Variants in TAOK1 observed in about 807,000 individuals in gnomAD.
TAOK1 encodes TAO kinase 1, also known as serine/threonine-protein kinase TAO1.
A neutral mutation model predicts 138.3 loss-of-function variants in TAOK1; 21 were observed. The ratio of observed to expected loss-of-function variants is 0.15; its 90% CI spans 0.11 to 0.22. The LOEUF is 0.22. Ranked by LOEUF, TAOK1 falls within the 10% of genes least tolerant of loss-of-function variation. The pLI is 1.00. For missense variants in TAOK1, 651 were observed against 1,227.7 expected (o/e 0.53, Z 7.02); for synonymous variants, 361 against 398.4 (o/e 0.91, Z 1.12).
chr17:29,474,254 C>T (rs1377211844), intron 3 of TAOK1, among the ~76,000 whole-genome samples: 1 of 152,172 alleles, frequency 6.6e-6, no homozygotes, highest in Non-Finnish European at 1.5e-5. Flanking sequence ...TTCACATCAA[C>T]AATAAACTTG....
chr17:29,505,864 G>A (rs1273188929), intron 13 of TAOK1, among the ~76,000 whole-genome samples: 1 of 152,180 alleles, frequency 6.6e-6, no homozygotes, highest in Non-Finnish European at 1.5e-5. Flanking sequence ...AAACCTAGGA[G>A]GCAAAGGCTG....
In TAOK1 at chr17:29,530,389, A is replaced by AT. The variant is rs573433155; in HGVS notation, c.2149-9dup. 462 of 1,577,734 alleles carry AT rather than the reference A, an allele frequency of 2.9e-4. No individual in the cohort carries two copies. Among genetic ancestry groups the AT allele is most frequent in the Non-Finnish European group, 3.4e-4 (395 of 1,150,496 alleles). The stretch of plus-strand genomic sequence containing the variant: ...CTTTCGTTACAACTTACATAAATGT[A>AT]TTTTTTTTTCTTCCCAGTCTAAAGA... On this transcript the variant is annotated splice_polypyrimidine_tract_variant and intron_variant, in intron 17 of 19. Coordinates refer to ENST00000261716, the MANE Select transcript of TAOK1 (RefSeq NM_020791.4).
chr17:29,455,683 T>C (rs2030359604), intron 2 of TAOK1, among the ~76,000 whole-genome samples: 1 of 150,474 alleles, frequency 6.6e-6, no homozygotes, highest in East Asian at 1.9e-4. Context: ...ATCATGAAAG[T>C]ATTGGATTCT....
chr17:29,498,832 G>A (rs2031460522), intron 12 of TAOK1, among the ~76,000 whole-genome samples: 1 of 152,020 alleles, frequency 6.6e-6, no homozygotes, highest in Non-Finnish European at 1.5e-5. Context: ...AGGTTGAGGT[G>A]GGAGAATCGC....
At chr17:29,540,096 T>C (rs1269682124) in intron 19 of TAOK1, among the ~76,000 whole-genome samples, 1 of 148,892 alleles carries the variant, frequency 6.7e-6, no homozygotes, top group East Asian at 1.9e-4. Context: ...AATGATAAAA[T>C]AAGAAATGTT....
intron 1 of TAOK1, among the ~76,000 whole-genome samples, chr17:29,399,720 G>A (rs1273132264): frequency 6.6e-6 from 1 of 151,950 alleles, no homozygotes; most frequent in Non-Finnish European, 1.5e-5. Flanking sequence ...CTACTGTGTA[G>A]TACTTAATGG....
At chr17:29,396,201 A>T (rs752828679) in intron 1 of TAOK1, among the ~76,000 whole-genome samples, 5 of 152,262 alleles carry the variant, frequency 3.3e-5, no homozygotes, top group East Asian at 1.9e-4. Flanking sequence ...TTCAGCTGGG[A>T]CGTTTCTGTC....
chr17:29,515,344 G>A (rs576770223), intron 15 of TAOK1, among the ~76,000 whole-genome samples: 5 of 152,190 alleles, frequency 3.3e-5, no homozygotes, highest in East Asian at 1.9e-4. Context: ...TAGTTCACTC[G>A]TGATTTTTAC....
chr17:29,519,247 A>G (rs935028629), intron 16 of TAOK1, among the ~76,000 whole-genome samples: 3 of 151,566 alleles, frequency 2.0e-5, no homozygotes, highest in African/African-American at 7.3e-5. Context: ...GTGATGGTTC[A>G]TGGCTGTGAT....
At position 29,544,598 on chromosome 17, in the gene TAOK1, G is replaced by C. The variant is rs1380626666; in HGVS notation, c.*1576G>C. On this transcript the variant is annotated 3_prime_UTR_variant, in exon 20 of 20. Transcript: ENST00000261716. ...TGTTATGTTTTGTTGTACAATGAAG[G>C]ATGAACCCAATGCTAAAAAGTCAGT... The C allele has an allele frequency of 1.3e-5, 2 of 152,172 alleles. No individual in the cohort carries two copies. Among genetic ancestry groups the C allele is most frequent in the Non-Finnish European group, 2.9e-5 (2 of 68,028 alleles). The allele number at this position is 152,172 out of a possible 1,614,324, so 9.4% of individuals were successfully genotyped here. A position where few individuals can be genotyped will look rare whatever the true frequency, so the allele number is the denominator to read the frequency against.
chr17:29,496,712 C>T (rs191259514), intron 11 of TAOK1, among the ~76,000 whole-genome samples: 324 of 151,374 alleles, frequency 2.1e-3, no homozygotes, highest in African/African-American at 7.5e-3. Context: ...TTCAGCCTCC[C>T]GAATAGCTGG....
At chr17:29,451,828 G>A (rs2030247041) in intron 2 of TAOK1, 148 bp downstream of exon 2, 2 of 787,188 alleles carry the variant, frequency 2.5e-6, no homozygotes, top group South Asian at 2.5e-5. Context: ...GAGAGCGAGA[G>A]CGTGGGTGAG....
At chr17:29,459,677 T>A (rs2030485870) in intron 2 of TAOK1, among the ~76,000 whole-genome samples, 1 of 152,240 alleles carries the variant, frequency 6.6e-6, no homozygotes, top group Admixed American at 6.5e-5. Flanking sequence ...TTTCCAGCTC[T>A]TGGCTGTTGT....
chr17:29,420,841 C>G (rs544860340), intron 1 of TAOK1, among the ~76,000 whole-genome samples: 1 of 152,202 alleles, frequency 6.6e-6, no homozygotes, highest in African/African-American at 2.4e-5. Flanking sequence ...CCTGTAATCC[C>G]AAAGTGCTAG....
At chr17:29,528,120 G>C (rs1259325790) in intron 17 of TAOK1, among the ~76,000 whole-genome samples, 1 of 152,120 alleles carries the variant, frequency 6.6e-6, no homozygotes, top group African/African-American at 2.4e-5. Flanking sequence ...TGCAATCTTA[G>C]CTCACTGCAG....
At chr17:29,397,688 T>TATGATACATGTATATATGC in intron 1 of TAOK1, among the ~76,000 whole-genome samples, 1 of 148,708 alleles carries the variant, frequency 6.7e-6, no homozygotes, top group Non-Finnish European at 1.5e-5. Context: ...TGTATACATG[T>TATGATACATGTATATATGC]ATATTCATGT....
chr17:29,474,923 T>C (rs1314188286), intron 3 of TAOK1, among the ~76,000 whole-genome samples: 2 of 151,984 alleles, frequency 1.3e-5, no homozygotes, highest in Admixed American at 6.6e-5. Flanking sequence ...TGCCTGTATA[T>C]GAATGTTATT....
At chr17:29,490,077 A>G (rs1255853666) in intron 9 of TAOK1, among the ~76,000 whole-genome samples, 2 of 152,048 alleles carry the variant, frequency 1.3e-5, no homozygotes, top group Non-Finnish European at 2.9e-5. Context: ...GCATTTAAGC[A>G]TTAATATTTT....
At chr17:29,477,415 A>G (rs1328150190) in intron 4 of TAOK1, among the ~76,000 whole-genome samples, 3 of 141,386 alleles carry the variant, frequency 2.1e-5, no homozygotes, top group African/African-American at 6.4e-5. Context: ...TTAAAAGATT[A>G]ATGTATCATT....
Sources: allele counts gnomAD v4.1 joint callset (sites outside exome capture counted in the v4.1 genomes callset), GRCh38; gene constraint gnomAD v4.1.1; transcripts MANE v1.5; gene names NCBI Gene and HGNC (gene_info 2026-07-23, HGNC 2026-07-21).